The following DNMT3B variants were observed in gnomAD, a reference collection of about 807,000 sequenced individuals.
The protein encoded by DNMT3B is DNA methyltransferase 3 beta.
Under a neutral mutation model 120.2 loss-of-function variants are expected in DNMT3B, and 37 were observed. The ratio of observed to expected loss-of-function variants is 0.31; its 90% CI spans 0.24 to 0.40. The LOEUF (loss-of-function observed/expected upper bound fraction) is 0.40. Among genes scored for constraint, DNMT3B ranks in the 10% least tolerant of loss-of-function variants. The pLI is 1.00. For synonymous variants in DNMT3B, 412 were observed against 442.8 expected (o/e 0.93, Z 0.87); for missense variants, 878 against 1,137.3 (o/e 0.77, Z 3.28).
At chr20:32,768,829 G>A (rs917110014) in intron 1 of DNMT3B, among the ~76,000 whole-genome samples, 2 of 152,090 alleles carry the variant, frequency 1.3e-5, no homozygotes, top group African/African-American at 4.8e-5. Context: ...TCTGACTCTG[G>A]GAGTTGTTTG....
In DNMT3B at chr20:32,787,234, T is replaced by G. The variant is rs1161625162; in HGVS notation, c.437T>G (p.Leu146Arg). The G allele has an allele frequency of 3.1e-6, 5 of 1,614,248 alleles. No homozygotes were observed. The highest frequency in any genetic ancestry group is 4.2e-6 in the Non-Finnish European group (5 of 1,180,044). The change falls in exon 6 of 23, where the codon CTG (leucine) becomes CGG (arginine). Residue 146 changes from leucine to arginine, a missense_variant. Physicochemically the swap from Leu to Arg is moderately radical, Grantham distance 102. This residue lies in a region of DNMT3B where 287 missense variants were observed against 306.2 expected (regional missense o/e 0.94). Coordinates refer to ENST00000328111, the MANE Select transcript of DNMT3B (RefSeq NM_006892.4). ...SPVEFPATRS[L>R]RRRATASAGT... ...TATGTGTCCTTCTGTCCACAGTCCC[T>G]GAGACGGCGGGCAACAGCATCGGCA...
intron 1 of DNMT3B, among the ~76,000 whole-genome samples, chr20:32,766,131 G>A (rs940593532): frequency 6.6e-6 from 1 of 152,042 alleles, no homozygotes; most frequent in Non-Finnish European, 1.5e-5. Flanking sequence ...ATCACTTAAG[G>A]CCAGGAGTTC....
At chr20:32,797,377 C>T (rs1253371742) in intron 14 of DNMT3B, 78 bp downstream of exon 14, 3 of 1,387,258 alleles carry the variant, frequency 2.2e-6, no homozygotes, top group Non-Finnish European at 3.0e-6. Flanking sequence ...AGACAGCTGT[C>T]TGTTGAATGG....
intron 3 of DNMT3B, 104 bp from the exon 4 acceptor site, chr20:32,784,654 C>A: frequency 7.8e-7 from 1 of 1,287,908 alleles, no homozygotes; most frequent in Non-Finnish European, 1.1e-6. Context: ...CCCGGTCTCC[C>A]TGCCAGGCAC....
chr20:32,773,903 TA>T (rs11367842), intron 1 of DNMT3B, among the ~76,000 whole-genome samples: 80,918 of 145,060 alleles, frequency 0.56, 25,573 homozygotes, highest in East Asian at 0.92. Flanking sequence ...GTGGTGGTAT[TA>T]ACAGGCATGA....
chr20:32,801,138 G>GTCAT, intron 18 of DNMT3B, 140 bp from the exon 19 acceptor site: 5 of 1,329,980 alleles, frequency 3.8e-6, no homozygotes, highest in Non-Finnish European at 5.3e-6. Flanking sequence ...TGTCCCTGCT[G>GTCAT]TCATTCAGGT....
intron 10 of DNMT3B, among the ~76,000 whole-genome samples, chr20:32,795,132 T>G (rs1251644064): frequency 2.6e-5 from 4 of 152,218 alleles, no homozygotes; most frequent in African/African-American, 7.2e-5. Flanking sequence ...GCTTTTAGCT[T>G]TGAATCGAGC....
rs748547514 is a variant in DNMT3B, at chr20:32,784,795, G to C, written c.242G>C (p.Gly81Ala). Residue 81 changes from glycine (G) to alanine (A), a missense_variant, in exon 4 of 23, where the codon GGC (glycine) becomes GCC (alanine). This residue lies in a region of DNMT3B where 287 missense variants were observed against 306.2 expected (regional missense o/e 0.94). Transcript: ENST00000328111. ...TGDGDGEDGD[G>A]SDTPVMPKLF... is the part of the protein sequence containing the mutation. ...GATGGCGACGGGGAAGATGGGGATGGCTCTGACACCCCAGTCATGCCAAAG... is the reference window on the plus strand; with the variant it reads ...GATGGCGACGGGGAAGATGGGGATGCCTCTGACACCCCAGTCATGCCAAAG... 40 of 1,613,960 alleles carry C rather than the reference G, an allele frequency of 2.5e-5. No homozygotes were observed. The highest frequency in any genetic ancestry group is 2.6e-5 in the Non-Finnish European group (31 of 1,180,020).
At chr20:32,769,124 G>A (rs745615314) in intron 1 of DNMT3B, among the ~76,000 whole-genome samples, 1 of 152,026 alleles carries the variant, frequency 6.6e-6, no homozygotes, top group African/African-American at 2.4e-5. Flanking sequence ...TTGCTCTGTC[G>A]CCCAGGCTGG....
chr20:32,788,232 C>T (rs1448349299), intron 6 of DNMT3B, among the ~76,000 whole-genome samples: 1 of 152,162 alleles, frequency 6.6e-6, no homozygotes, highest in East Asian at 1.9e-4. Flanking sequence ...TTCTGTTCAT[C>T]AGAGTGCACA....
At chr20:32,806,496 G>C (rs570355958) in intron 22 of DNMT3B, among the ~76,000 whole-genome samples, 169 bp downstream of exon 22, 19 of 152,332 alleles carry the variant, frequency 1.2e-4, no homozygotes, top group Non-Finnish European at 2.4e-4. Flanking sequence ...TGACAAAAAT[G>C]GCGGAGGGGG....
At chr20:32,794,123 C>G (rs1415883969) in intron 10 of DNMT3B, among the ~76,000 whole-genome samples, 1 of 151,910 alleles carries the variant, frequency 6.6e-6, no homozygotes, top group Non-Finnish European at 1.5e-5. Flanking sequence ...TTTTGGGACG[C>G]TGAGGTGGGC....
At chr20:32,782,873 T>C (rs1292869941) in intron 3 of DNMT3B, among the ~76,000 whole-genome samples, 1 of 152,196 alleles carries the variant, frequency 6.6e-6, no homozygotes. Context: ...AACTTGGTTA[T>C]GGTGCATTTT....
chr20:32,780,350 T>C lies in DNMT3B; in HGVS notation c.27T>C (p.Asn9=), dbSNP rs1601074198. MKGDTRHL[N]GEEDAGGRED... The stretch of plus-strand genomic sequence containing the variant: ...TGAAGGGAGACACCAGGCATCTCAA[T>C]GGAGAGGAGGACGCCGGCGGGAGGG... The change falls in exon 2 of 23, where the codon AAT becomes AAC. Residue 9 remains asparagine (N), a synonymous_variant. Transcript: ENST00000328111. 6.2e-7 allele frequency: 1 copy of C among 1,613,850 alleles called. No homozygotes were observed. The highest frequency in any genetic ancestry group is 8.5e-7 in the Non-Finnish European group (1 of 1,179,952).
chr20:32,783,662 T>A (rs1978894686), intron 3 of DNMT3B, among the ~76,000 whole-genome samples: 1 of 152,094 alleles, frequency 6.6e-6, no homozygotes, highest in African/African-American at 2.4e-5. Context: ...GCACTGCTGT[T>A]TTGTTTCTGG....
Position 32,808,413 on chromosome 20 carries a change from G to T in DNMT3B, c.*510G>T, listed in dbSNP as rs1353261250. 3 of 243,080 alleles carry T rather than the reference G, an allele frequency of 1.2e-5. No individual in the cohort carries two copies. Among genetic ancestry groups the T allele is most frequent in the Non-Finnish European group, 2.4e-5 (3 of 124,100 alleles). 15.1% of individuals were successfully genotyped at this position (243,080 alleles called of 1,614,324 possible). ...AGGACATTTTTAAGGGCCCAGGATCGTTTTTTCCCAGGGCAAGCAGAAGAG... is the reference window on the plus strand; with the variant it reads ...AGGACATTTTTAAGGGCCCAGGATCTTTTTTTCCCAGGGCAAGCAGAAGAG... On this transcript the variant is annotated 3_prime_UTR_variant, in exon 23 of 23. Coordinates refer to ENST00000328111, the MANE Select transcript of DNMT3B (RefSeq NM_006892.4).
chr20:32,768,302 T>TCTC (rs58356244), intron 1 of DNMT3B, among the ~76,000 whole-genome samples: 86,706 of 150,672 alleles, frequency 0.58, 28,258 homozygotes, highest in East Asian at 0.92. Flanking sequence ...TTCAAGCAAT[T>TCTC]CTGACTCAGC....
At chr20:32,778,496 T>C (rs755159820) in intron 1 of DNMT3B, among the ~76,000 whole-genome samples, 3 of 152,236 alleles carry the variant, frequency 2.0e-5, no homozygotes, top group Non-Finnish European at 4.4e-5. Flanking sequence ...GCGTGGCTCC[T>C]GGGCCACACA....
At chr20:32,799,190 C>G (rs1351922088) in intron 15 of DNMT3B, 54 bp from the exon 16 acceptor site, 1 of 1,573,374 alleles carries the variant, frequency 6.4e-7, no homozygotes, top group Non-Finnish European at 8.7e-7. Flanking sequence ...TCCCTCAGAG[C>G]TTGAGTCTTT....
Sources: allele counts gnomAD v4.1 joint callset (sites outside exome capture counted in the v4.1 genomes callset), GRCh38; gene constraint gnomAD v4.1.1; regional missense constraint gnomAD v4.1.1; transcripts MANE v1.5; gene names NCBI Gene and HGNC (gene_info 2026-07-23, HGNC 2026-07-21).